Variants in CCDC141 observed in about 807,000 individuals in gnomAD.
CCDC141 encodes the protein coiled-coil domain-containing protein 141.
In CCDC141, 168 loss-of-function variants were observed where a neutral mutation model predicts 181.0. The observed-to-expected ratio is 0.93, with a 90% CI of 0.82 to 1.05. The LOEUF (loss-of-function observed/expected upper bound fraction) is 1.05. CCDC141 is among the 50% of genes least tolerant of loss of function. The pLI is 0.00. For synonymous variants in CCDC141, 666 were observed against 642.3 expected (o/e 1.04, Z -0.56); for missense variants, 1,902 against 1,788.5 (o/e 1.06, Z -1.14).
At chr2:178,992,483 C>G (rs1009383669) in intron 2 of CCDC141, among the ~76,000 whole-genome samples, 1 of 151,310 alleles carries the variant, frequency 6.6e-6, no homozygotes, top group African/African-American at 2.4e-5. Context: ...CCAAATTATA[C>G]TCTAAGACAC....
At chr2:178,824,740 T>C in the CCDC141 span, among the ~76,000 whole-genome samples, 13 of 152,148 alleles carry the variant, frequency 8.5e-5, no homozygotes, top group Admixed American at 6.5e-4. Flanking sequence ...TTTCATGGTG[T>C]TCATAATCCA....
rs1036796772 is a variant in CCDC141 at position 178,832,019 on chromosome 2, C to T, written c.*2154G>A. 6.6e-6 allele frequency: 1 copy of T among 152,154 alleles called. No homozygotes were observed. The highest frequency in any genetic ancestry group is 2.1e-4 in the South Asian group (1 of 4,822). 9.4% of individuals were successfully genotyped at this position (152,154 alleles called of 1,614,324 possible). ...ACCAGGAATTCCCATGCCCTAACAA[C>T]CCCAACACACAAATTCAACCATGTT... On this transcript the variant is annotated 3_prime_UTR_variant, in exon 24 of 24. Coordinates refer to ENST00000443758, the MANE Select transcript of CCDC141 (RefSeq NM_173648.4).
intron 1 of CCDC141, among the ~76,000 whole-genome samples, chr2:179,048,531 G>A (rs928186222): frequency 2.0e-5 from 3 of 152,024 alleles, no homozygotes; most frequent in Non-Finnish European, 4.4e-5. Context: ...CCTGCTCCAA[G>A]AATGTTCATA....
At chr2:179,006,632 T>C (rs531500872) in intron 2 of CCDC141, among the ~76,000 whole-genome samples, 22 of 152,300 alleles carry the variant, frequency 1.4e-4, no homozygotes, top group African/African-American at 5.1e-4. Flanking sequence ...TTTAACTTTT[T>C]TGTCTAACAC....
At chr2:178,900,910 G>A (rs185967530) in intron 8 of CCDC141, among the ~76,000 whole-genome samples, 2 of 152,306 alleles carry the variant, frequency 1.3e-5, no homozygotes, top group East Asian at 3.9e-4. Context: ...TGATCTGTTA[G>A]AGAAGGAAAA....
chr2:178,828,611 G>A (rs7592323), downstream of CCDC141, among the ~76,000 whole-genome samples: 35,769 of 152,026 alleles, frequency 0.24, 4,624 homozygotes, highest in Middle Eastern at 0.4. Flanking sequence ...CTAGAGGAGC[G>A]GTTCTGGAGC....
At chr2:178,988,466 T>C (rs1430469060) in intron 2 of CCDC141, among the ~76,000 whole-genome samples, 2 of 144,104 alleles carry the variant, frequency 1.4e-5, no homozygotes, top group East Asian at 3.9e-4. Context: ...ACTTAAAGTA[T>C]AATAATAAAA....
At chr2:179,037,668 G>T (rs2592562) in intron 2 of CCDC141, among the ~76,000 whole-genome samples, 149,969 of 152,296 alleles carry the variant, frequency 0.98, 73,881 homozygotes, top group Middle Eastern at 1. Flanking sequence ...TCCAAACAAC[G>T]TGCTTTAAAA....
At chr2:178,998,929 T>C (rs756801623) in intron 2 of CCDC141, among the ~76,000 whole-genome samples, 4 of 152,172 alleles carry the variant, frequency 2.6e-5, no homozygotes, top group East Asian at 3.8e-4. Context: ...AAATACATTA[T>C]GTGAGAGCTG....
intron 8 of CCDC141, 138 bp from the exon 9 acceptor site, chr2:178,888,806 C>A: frequency 1.2e-6 from 1 of 859,564 alleles, no homozygotes; most frequent in Non-Finnish European, 1.7e-6. Context: ...AAGTAGCTAT[C>A]ATCTCGGCAT....
At chr2:178,930,302 A>G (rs1429611297) in intron 6 of CCDC141, among the ~76,000 whole-genome samples, 1 of 152,136 alleles carries the variant, frequency 6.6e-6, no homozygotes, top group Non-Finnish European at 1.5e-5. Flanking sequence ...TTGTTAAAAA[A>G]TGAAAAACCT....
intron 2 of CCDC141, among the ~76,000 whole-genome samples, chr2:178,981,230 C>A (rs1691375482): frequency 6.6e-6 from 1 of 152,078 alleles, no homozygotes; most frequent in African/African-American, 2.4e-5. Flanking sequence ...AACTGAACAG[C>A]ACTATTAGTC....
chr2:179,046,241 A>G (rs1055284145), intron 2 of CCDC141, among the ~76,000 whole-genome samples: 2 of 152,264 alleles, frequency 1.3e-5, no homozygotes, highest in Non-Finnish European at 2.9e-5. Flanking sequence ...TATTACTCAC[A>G]GGGCTGGCTC....
At chr2:179,039,390 C>A (rs2043232827) in intron 2 of CCDC141, among the ~76,000 whole-genome samples, 1 of 152,042 alleles carries the variant, frequency 6.6e-6, no homozygotes, top group Non-Finnish European at 1.5e-5. Flanking sequence ...ATTTAATATA[C>A]CAAATTACTC....
chr2:179,026,004 T>C (rs1020989191), intron 2 of CCDC141, among the ~76,000 whole-genome samples: 4 of 152,226 alleles, frequency 2.6e-5, no homozygotes, highest in Non-Finnish European at 5.9e-5. Flanking sequence ...AGAGATGAAT[T>C]GGGTGCTGTT....
At chr2:178,824,612 T>A in the CCDC141 span, among the ~76,000 whole-genome samples, 1 of 102,872 alleles carries the variant, frequency 9.7e-6, no homozygotes, top group Non-Finnish European at 1.8e-5. Flanking sequence ...AGAGTGAGAC[T>A]TCGTCAAAAA....
chr2:178,942,009 GAA>G (rs201559990), intron 6 of CCDC141, among the ~76,000 whole-genome samples: 1,564 of 108,796 alleles, frequency 0.014, 49 homozygotes, highest in African/African-American at 0.054. Flanking sequence ...AAAGGGAAAA[GAA>G]AAGAAATTTA....
In CCDC141 at chr2:179,028,578, C is replaced by A. The variant is rs145839255; in HGVS notation, c.225+18706G>T. 1.7e-3 allele frequency among the ~76,000 whole-genome samples: 253 copies of A among 152,274 alleles called. 1 individual carries two copies. Among genetic ancestry groups the A allele is most frequent in the African/African-American group, 5.8e-3 (239 of 41,550 alleles). On this transcript the variant is annotated intron_variant, in intron 2 of 23. Transcript: ENST00000443758. ...TCTGATTCAAAATGGTACCCTTTGGCAATCATGTAATAATACCAGTGGGAT... is the reference window on the plus strand; with the variant it reads ...TCTGATTCAAAATGGTACCCTTTGGAAATCATGTAATAATACCAGTGGGAT...
intron 8 of CCDC141, among the ~76,000 whole-genome samples, chr2:178,900,967 T>C (rs1687659090): frequency 6.6e-6 from 1 of 152,146 alleles, no homozygotes; most frequent in Admixed American, 6.6e-5. Flanking sequence ...GCCTGGAAGG[T>C]AATTTTTAGA....
Sources: gnomAD v4.1 joint callset for allele counts (sites outside exome capture counted in the v4.1 genomes callset) on GRCh38, gnomAD v4.1.1 for gene constraint, MANE v1.5 for transcripts, NCBI Gene and HGNC (gene_info 2026-07-23, HGNC 2026-07-21) for gene names.